RNF123: variants seen among roughly 807,000 people sequenced by gnomAD.
RNF123 encodes the protein ring finger protein 123.
A neutral mutation model predicts 168.5 loss-of-function variants in RNF123; 86 were observed. The ratio of observed to expected loss-of-function variants is 0.51; its 90% CI spans 0.43 to 0.61. The LOEUF (loss-of-function observed/expected upper bound fraction) is 0.61. Ranked by LOEUF, RNF123 falls within the 20% of genes least tolerant of loss-of-function variation. The pLI, the probability that RNF123 is intolerant of heterozygous loss-of-function variation, is 0.00. For synonymous variants in RNF123, 666 were observed against 689.1 expected, an observed-to-expected ratio of 0.97 and a Z score of 0.52; for missense variants, 1,419 against 1,729.7, an observed-to-expected ratio of 0.82 and a Z score of 3.19.
chr3:49,711,569 C>T (rs1172322207), intron 26 of RNF123, among the ~76,000 whole-genome samples: 1 of 152,162 alleles, frequency 6.6e-6, no homozygotes, highest in Non-Finnish European at 1.5e-5. Flanking sequence ...TAGGCCCTCC[C>T]CTAACCTCTT....
At chr3:49,719,484 C>A in intron 35 of RNF123, 2 of 1,590,344 alleles carry the variant, frequency 1.3e-6, no homozygotes, top group Non-Finnish European at 1.7e-6. Context: ...CCACCAGGGA[C>A]AGTACAGAGC....
chr3:49,704,744 A>G lies in RNF123; in HGVS notation c.1947A>G (p.Pro649=). 6.3e-7 allele frequency: 1 copy of G among 1,581,332 alleles called. No homozygotes were observed. The highest frequency in any genetic ancestry group is 8.6e-7 in the Non-Finnish European group (1 of 1,163,492). Reference sequence around the variant, plus strand: ...TAGATGAGGATGAGGAGCCAGCCCCAGCTATGGCCCAGGTGCCGCAGTGGG... The same window carrying G: ...TAGATGAGGATGAGGAGCCAGCCCCGGCTATGGCCCAGGTGCCGCAGTGGG... ...DDLDEDEEPA[P]AMAQRPMQAL... The change falls in exon 22 of 39, where the codon CCA becomes CCG. Residue 649 remains proline (P), a synonymous_variant. Coordinates refer to ENST00000327697, the MANE Select transcript of RNF123 (RefSeq NM_022064.5).
chr3:49,697,773 C>T (rs900121493), intron 5 of RNF123, 112 bp from the exon 6 acceptor site: 22 of 1,332,718 alleles, frequency 1.7e-5, no homozygotes, highest in African/African-American at 8.6e-5. Context: ...CAGTGTTGGC[C>T]GCCACAGGCA....
intron 12 of RNF123, 177 bp from the exon 13 acceptor site, chr3:49,700,050 G>A: frequency 1.2e-6 from 1 of 847,354 alleles, no homozygotes; most frequent in Non-Finnish European, 1.8e-6. Flanking sequence ...GAGGAGCCGT[G>A]GGGCAATGGC....
chr3:49,702,694 C>T lies in RNF123; in HGVS notation c.1691C>T (p.Ala564Val), dbSNP rs772386361. Residue 564 changes from alanine (A) to valine (V), a missense_variant, in exon 20 of 39, where the codon GCC (alanine) becomes GTC (valine). Physicochemically the swap from Ala to Val is moderately conservative, Grantham distance 64 (BLOSUM62 0). Transcript: ENST00000327697. ...TGCTTCTTACACCGGCTGATCTCTGCCCTGCGCTACTATTGGGATGAATAC... is the reference window on the plus strand; with the variant it reads ...TGCTTCTTACACCGGCTGATCTCTGTCCTGCGCTACTATTGGGATGAATAC... ...MVCFLHRLISALRYYWDEYKA... is the reference protein window; with the variant it reads ...MVCFLHRLISVLRYYWDEYKA... 4 of 1,614,226 alleles carry T rather than the reference C, an allele frequency of 2.5e-6. No individual in the cohort carries two copies. The highest frequency in any genetic ancestry group is 2.2e-5 in the East Asian group (1 of 44,882).
intron 12 of RNF123, 122 bp from the exon 13 acceptor site, chr3:49,700,105 G>T: frequency 1.4e-6 from 2 of 1,392,746 alleles, no homozygotes; most frequent in East Asian, 2.4e-5. Flanking sequence ...ATCTATGTTT[G>T]GTGTTGCTCG....
Position 49,699,428 on chromosome 3 carries a change from C to A in RNF123, c.765-40C>A. 1 of 1,515,470 alleles carries A rather than the reference C, an allele frequency of 6.6e-7. No individual in the cohort carries two copies. Among genetic ancestry groups the A allele is most frequent in the Non-Finnish European group, 9.0e-7 (1 of 1,112,084 alleles). The allele number at this position is 1,515,470 out of a possible 1,614,324, so 93.9% of individuals were successfully genotyped here. A position where few individuals can be genotyped will look rare whatever the true frequency, so the allele number is the denominator to read the frequency against. ...GGCAGTGGAGAGGGAGTAGGCATGT[C>A]TGAGCCACAGATAAGGCGTTGCTGG... On this transcript the variant is annotated intron_variant, in intron 10 of 38. Transcript: ENST00000327697. The surrounding 1 kb of genome is among the most constrained non-coding windows in gnomAD (Gnocchi z 4.8).
chr3:49,719,046 C>T, intron 35 of RNF123: 7 of 1,613,896 alleles, frequency 4.3e-6, no homozygotes, highest in Non-Finnish European at 5.9e-6. Context: ...GGTTATTGAA[C>T]AGAAGCAGCT....
At chr3:49,718,810 T>G (rs1311980357) in intron 35 of RNF123, 1 of 1,612,958 alleles carries the variant, frequency 6.2e-7, no homozygotes, top group Non-Finnish European at 8.5e-7. Flanking sequence ...AGGCAAAGGG[T>G]TGTTGTGCAA....
chr3:49,702,172 G>A (rs1278957378), intron 18 of RNF123, 28 bp downstream of exon 18: 1 of 1,611,024 alleles, frequency 6.2e-7, no homozygotes, highest in East Asian at 2.2e-5. Flanking sequence ...GCCCTGGGTG[G>A]GGCCCTGTGG....
intron 20 of RNF123, 71 bp downstream of exon 20, chr3:49,702,824 T>C: frequency 6.2e-7 from 1 of 1,603,086 alleles, no homozygotes; most frequent in Non-Finnish European, 8.5e-7. Context: ...CTAATGTTAG[T>C]GCAGAGTGCT....
intron 3 of RNF123, among the ~76,000 whole-genome samples, chr3:49,696,801 C>A (rs2054278866): frequency 6.6e-6 from 1 of 151,842 alleles, no homozygotes; most frequent in African/African-American, 2.4e-5. Flanking sequence ...CATGCGCCAC[C>A]ACACTCAGCT....
Position 49,691,501 on chromosome 3 carries a change from C to T in RNF123, c.159C>T (p.Ala53=), listed in dbSNP as rs754019907. The change falls in exon 3 of 39, where the codon GCC becomes GCT. Residue 53 remains alanine, a synonymous_variant. Transcript: ENST00000327697. ...FSSSEHAPPA[A]TSRKPLNFQN... ...CTTCTGAACATGCACCCCCAGCAGC[C>T]ACCAGCAGGTATGGCTGGGTGGGTG... 4 of 1,613,942 alleles carry T rather than the reference C, an allele frequency of 2.5e-6. No individual in the cohort carries two copies. Among genetic ancestry groups the T allele is most frequent in the Non-Finnish European group, 8.5e-7 (1 of 1,179,936 alleles).
chr3:49,697,736 C>A, intron 5 of RNF123, 149 bp from the exon 6 acceptor site: 1 of 953,756 alleles, frequency 1.0e-6, no homozygotes, highest in South Asian at 1.4e-5. Context: ...ACAAGCCTAC[C>A]CGCTCCCACC....
At chr3:49,716,068 C>A in intron 33 of RNF123, 34 bp from the exon 34 acceptor site, 2 of 1,613,512 alleles carry the variant, frequency 1.2e-6, no homozygotes. Context: ...GATGACGCTC[C>A]CCATCCACCA....
Position 49,702,691 on chromosome 3 carries a change from C to T in RNF123, c.1688C>T (p.Ser563Phe). 1 of 1,614,262 alleles carries T rather than the reference C, an allele frequency of 6.2e-7. No homozygotes were observed. Among genetic ancestry groups the T allele is most frequent in the Non-Finnish European group, 8.5e-7 (1 of 1,180,040 alleles). The change falls in exon 20 of 39, where the codon TCT (serine) becomes TTT (phenylalanine). Residue 563 changes from serine to phenylalanine, a missense_variant. Ser to Phe is a radical substitution (Grantham distance 155, BLOSUM62 -2). This residue lies in a region of RNF123 where 349 missense variants were observed against 344.9 expected (regional missense o/e 1.01). Coordinates refer to ENST00000327697, the MANE Select transcript of RNF123 (RefSeq NM_022064.5). ...GTCTGCTTCTTACACCGGCTGATCT[C>T]TGCCCTGCGCTACTATTGGGATGAA... The part of the protein sequence containing the change: ...YMVCFLHRLI[S>F]ALRYYWDEYK...
chr3:49,711,897 C>T (rs1354194780), intron 26 of RNF123, among the ~76,000 whole-genome samples: 1 of 152,104 alleles, frequency 6.6e-6, no homozygotes, highest in African/African-American at 2.4e-5. Flanking sequence ...TTACCATCGC[C>T]AGCTCTCTTG....
At chr3:49,710,345 T>C (rs2108194734) in intron 26 of RNF123, among the ~76,000 whole-genome samples, 1 of 152,152 alleles carries the variant, frequency 6.6e-6, no homozygotes, top group East Asian at 1.9e-4. Flanking sequence ...AGTGGCAAGA[T>C]TTTGGCTCAC....
chr3:49,696,531 A>G (rs1169877055), intron 3 of RNF123, among the ~76,000 whole-genome samples: 3 of 151,530 alleles, frequency 2.0e-5, no homozygotes, highest in African/African-American at 4.9e-5. Context: ...TAGAGTCGCA[A>G]TTTCACCATG....
Sources: gnomAD v4.1 joint callset for allele counts (sites outside exome capture counted in the v4.1 genomes callset) on GRCh38, gnomAD v4.1.1 for gene constraint, gnomAD v4.1.1 regional missense constraint, Gnocchi (gnomAD v3.1) non-coding constraint, MANE v1.5 for transcripts, NCBI Gene and HGNC (gene_info 2026-07-23, HGNC 2026-07-21) for gene names.